AGAP1: variants seen among roughly 807,000 people sequenced by gnomAD.
The protein encoded by AGAP1 is arf-GAP with GTPase, ANK repeat and PH domain-containing protein 1.
Under a neutral mutation model 105.3 loss-of-function variants are expected in AGAP1, and 29 were observed. The observed-to-expected ratio is 0.28, with a 90% CI of 0.21 to 0.38. The LOEUF (loss-of-function observed/expected upper bound fraction) is 0.38, where lower values mean the gene tolerates loss of function less well. AGAP1 is among the 10% of genes least tolerant of loss of function. The pLI is 1.00. For missense variants in AGAP1, 998 were observed against 1,165.1 expected, an observed-to-expected ratio of 0.86 and a Z score of 2.09; for synonymous variants, 509 against 485.9, an observed-to-expected ratio of 1.05 and a Z score of -0.63.
chr2:235,862,795 G>A (rs932594689), intron 9 of AGAP1, among the ~76,000 whole-genome samples: 5 of 152,196 alleles, frequency 3.3e-5, no homozygotes, highest in African/African-American at 1.2e-4. Flanking sequence ...AGGATCCTGA[G>A]GGCAGCCCTG....
chr2:235,702,534 GTGT>G (rs1371593604), intron 1 of AGAP1, among the ~76,000 whole-genome samples: 8 of 152,288 alleles, frequency 5.3e-5, no homozygotes, highest in African/African-American at 1.9e-4. Context: ...TCCCTTGTTG[GTGT>G]TGTTTGCTGA....
intron 8 of AGAP1, among the ~76,000 whole-genome samples, chr2:235,804,431 T>C (rs1957736685): frequency 1.3e-5 from 2 of 152,242 alleles, no homozygotes; most frequent in Admixed American, 6.5e-5. Flanking sequence ...AAATTCATAG[T>C]GCGAAGAGAA....
At chr2:235,813,770 C>G (rs1958292566) in intron 9 of AGAP1, among the ~76,000 whole-genome samples, 1 of 152,196 alleles carries the variant, frequency 6.6e-6, no homozygotes, top group Non-Finnish European at 1.5e-5. Context: ...TTTCTGTATC[C>G]CAGGGTTCTT....
intron 12 of AGAP1, among the ~76,000 whole-genome samples, chr2:235,942,975 C>A (rs1469849467): frequency 3.3e-5 from 5 of 152,074 alleles, no homozygotes; most frequent in African/African-American, 1.2e-4. Context: ...CGTCTATAGT[C>A]CCAGCTACCC....
intron 9 of AGAP1, among the ~76,000 whole-genome samples, chr2:235,857,889 T>C (rs565855884): frequency 4.6e-5 from 7 of 152,302 alleles, no homozygotes; most frequent in Admixed American, 1.3e-4. Flanking sequence ...CCCTGTGCCA[T>C]GTTTTTTGCC....
At position 235,566,581 on chromosome 2, in the gene AGAP1, A is replaced by G. The variant is rs115081065; in HGVS notation, c.163+71732A>G. ...TTATGGAACAGAGGACTAGATGACC[A>G]GTGCTGTGAGTGGGCAGGTCTGTCT... On this transcript the variant is annotated intron_variant, in intron 1 of 17. Coordinates refer to ENST00000304032, the MANE Select transcript of AGAP1 (RefSeq NM_001037131.3). This position sits in a 1 kb window ranked among gnomAD's most constrained non-coding sequence, Gnocchi z 5.2. 7.1e-5 allele frequency: 70 copies of G among 985,362 alleles called. No individual in the cohort carries two copies. The highest frequency in any genetic ancestry group is 8.3e-5 in the Non-Finnish European group (69 of 829,868). 61.0% of individuals were successfully genotyped at this position (985,362 alleles called of 1,614,324 possible).
chr2:235,824,455 T>C lies in AGAP1; in HGVS notation c.1050+17124T>C, dbSNP rs758895688. The stretch of plus-strand genomic sequence containing the variant: ...GTAGCATTGAACTGTGAAGAAATAA[T>C]GTTGTACAGCCAATCAAAAAGAGAT... On this transcript the variant is annotated intron_variant, in intron 9 of 17. Coordinates refer to ENST00000304032, the MANE Select transcript of AGAP1 (RefSeq NM_001037131.3). This position sits in a 1 kb window ranked among gnomAD's most constrained non-coding sequence, Gnocchi z 5.2. 2.0e-5 allele frequency among the ~76,000 whole-genome samples: 3 copies of C among 152,216 alleles called. No homozygotes were observed. The highest frequency in any genetic ancestry group is 4.4e-5 in the Non-Finnish European group (3 of 68,032).
At position 235,566,886 on chromosome 2, in the gene AGAP1, C is replaced by G. The variant is rs1462669240; in HGVS notation, c.163+72037C>G. 1.3e-5 allele frequency among the ~76,000 whole-genome samples: 2 copies of G among 152,220 alleles called. No homozygotes were observed. Among genetic ancestry groups the G allele is most frequent in the African/African-American group, 4.8e-5 (2 of 41,468 alleles). On this transcript the variant is annotated intron_variant, in intron 1 of 17. Transcript: ENST00000304032. The surrounding 1 kb of genome is among the most constrained non-coding windows in gnomAD (Gnocchi z 5.2). ...GCCCAGGATCAAGGTGTGCCCAGAG[C>G]TGTGCTCCCTCCAGAGGATAGAGCA...
At chr2:235,731,490 A>T (rs1014126664) in intron 3 of AGAP1, among the ~76,000 whole-genome samples, 3 of 152,220 alleles carry the variant, frequency 2.0e-5, no homozygotes, top group Non-Finnish European at 4.4e-5. Context: ...TCCAGAAAGC[A>T]TGGAATTATG....
At chr2:235,873,867 A>G (rs1167175568) in intron 9 of AGAP1, among the ~76,000 whole-genome samples, 2 of 151,968 alleles carry the variant, frequency 1.3e-5, no homozygotes, top group African/African-American at 4.8e-5. Context: ...AGCTGGGACT[A>G]CAGGTGCACA....
At position 235,555,233 on chromosome 2, in the gene AGAP1, G is replaced by A. The variant is rs139609156; in HGVS notation, c.163+60384G>A. 9.2e-5 allele frequency among the ~76,000 whole-genome samples: 14 copies of A among 152,176 alleles called. No individual in the cohort carries two copies. In the East Asian group the frequency reaches 2.7e-3, roughly 29 times the overall value. ...GCCCTGCAGTGCCATCCTTCTTGCC[G>A]CTCCCACCCACTTCTGTGATGCACA... is the stretch of plus-strand genomic sequence containing the variant. On this transcript the variant is annotated intron_variant, in intron 1 of 17. Transcript: ENST00000304032. This position sits in a 1 kb window ranked among gnomAD's most constrained non-coding sequence, Gnocchi z 5.1.
Position 235,581,094 on chromosome 2 carries a change from C to T in AGAP1, c.163+86245C>T, listed in dbSNP as rs551532896. On this transcript the variant is annotated intron_variant, in intron 1 of 17. Coordinates refer to ENST00000304032, the MANE Select transcript of AGAP1 (RefSeq NM_001037131.3). ...GGTGGATCACCTGAGGTCAGGAGTT[C>T]GAGACTAGCCTGGCCAACATGGTGA... 1.4e-4 allele frequency among the ~76,000 whole-genome samples: 19 copies of T among 138,420 alleles called. No homozygotes were observed. In the South Asian group the frequency reaches 3.2e-3, roughly 23 times the overall value. 90.8% of individuals were successfully genotyped at this position (138,420 alleles called of 152,430 possible). A position where few individuals can be genotyped will look rare whatever the true frequency, so the allele number is the denominator to read the frequency against.
chr2:235,771,279 G>A (rs920164859), intron 6 of AGAP1, among the ~76,000 whole-genome samples: 1 of 152,228 alleles, frequency 6.6e-6, no homozygotes, highest in South Asian at 2.1e-4. Flanking sequence ...GAGGCAGGCC[G>A]CCTCCAGAGG....
At chr2:235,676,985 C>T (rs1301080796) in intron 1 of AGAP1, among the ~76,000 whole-genome samples, 4 of 152,118 alleles carry the variant, frequency 2.6e-5, no homozygotes, top group Admixed American at 2.6e-4. Flanking sequence ...ACCATCTGCC[C>T]TTGATTGTTT....
intron 12 of AGAP1, among the ~76,000 whole-genome samples, chr2:235,935,296 C>G (rs2052934847): frequency 6.6e-6 from 1 of 152,096 alleles, no homozygotes; most frequent in Non-Finnish European, 1.5e-5. Context: ...GATTGGATCC[C>G]TCCTCTGCTG....
chr2:235,497,705 C>T (rs1316542583), intron 1 of AGAP1, among the ~76,000 whole-genome samples: 2 of 152,222 alleles, frequency 1.3e-5, no homozygotes, highest in African/African-American at 2.4e-5. Flanking sequence ...CGCCATTCTC[C>T]TGCCTCAGCC....
At position 235,740,063 on chromosome 2, in the gene AGAP1, T is replaced by C. The variant is rs1248081270; in HGVS notation, c.311-900T>C. Among the ~76,000 whole-genome samples, 1 of 152,024 alleles carries C rather than the reference T, an allele frequency of 6.6e-6. No homozygotes were observed. The highest frequency in any genetic ancestry group is 1.5e-5 in the Non-Finnish European group (1 of 67,994). ...CAAGAGTTTCGAATCCCCATGAGGG[T>C]TCCCTAGCGTGGTCTCAGAGCCCAG... On this transcript the variant is annotated intron_variant, in intron 3 of 17. Coordinates refer to ENST00000304032, the MANE Select transcript of AGAP1 (RefSeq NM_001037131.3). This position sits in a 1 kb window ranked among gnomAD's most constrained non-coding sequence, Gnocchi z 5.7.
intron 1 of AGAP1, among the ~76,000 whole-genome samples, chr2:235,518,477 A>C (rs936565914): frequency 6.6e-6 from 1 of 152,174 alleles, no homozygotes; most frequent in Non-Finnish European, 1.5e-5. Context: ...CCACCCTGCA[A>C]TTGGTTTCAT....
chr2:235,950,887 CTTTTTTTTTTTTTTTTTTT>C (rs200110792), intron 12 of AGAP1, among the ~76,000 whole-genome samples: 28 of 118,242 alleles, frequency 2.4e-4, no homozygotes, highest in South Asian at 5.1e-4. Context: ...TCTCCAAGCA[CTTTTTTTTTTTTTTTTTTT>C]TTTTTTTTTT....
Sources: allele counts gnomAD v4.1 joint callset (sites outside exome capture counted in the v4.1 genomes callset), GRCh38; gene constraint gnomAD v4.1.1; non-coding constraint Gnocchi (gnomAD v3.1); transcripts MANE v1.5; gene names NCBI Gene and HGNC (gene_info 2026-07-23, HGNC 2026-07-21).